DIAPH2: variants seen among roughly 807,000 people sequenced by gnomAD.
The protein encoded by DIAPH2 is protein diaphanous homolog 2.
DIAPH2 carries 35 observed loss-of-function variants against 92.7 expected under a neutral mutation model. The observed-to-expected ratio is 0.38, with a 90% CI of 0.29 to 0.50. The LOEUF (loss-of-function observed/expected upper bound fraction) is 0.50. DIAPH2 is among the 20% of genes least tolerant of loss of function. The pLI is 0.94. For synonymous variants in DIAPH2, 301 were observed against 280.4 expected (o/e 1.07, Z -0.73); for missense variants, 701 against 819.5 (o/e 0.86, Z 1.77).
intron 26 of DIAPH2, among the ~76,000 whole-genome samples, chrX:97,548,111 A>G (rs1301969999): frequency 8.9e-6 from 1 of 112,031 alleles, no homozygotes; most frequent in Non-Finnish European, 1.9e-5. Context: ...CTGACAACAG[A>G]AACTACTCCC....
rs1239250585 is a variant in DIAPH2, at chrX:97,185,380, T to C, written c.2719+43586T>C. Among the ~76,000 whole-genome samples, 30 of 41,402 alleles carry C rather than the reference T, an allele frequency of 7.2e-4. 4 individuals carry two copies. Among genetic ancestry groups the C allele is most frequent in the African/African-American group, 5.9e-3 (30 of 5,088 alleles). The allele number at this position is 41,402 out of a possible 115,157, so 36.0% of individuals were successfully genotyped here. ...GTGTATATATATATGTATATATATA[T>C]GTATATATATATGTGTATATATATA... On this transcript the variant is annotated intron_variant, in intron 22 of 26. Coordinates refer to ENST00000324765, the MANE Select transcript of DIAPH2 (RefSeq NM_006729.5).
At chrX:97,576,637 A>G (rs984137241) in intron 26 of DIAPH2, among the ~76,000 whole-genome samples, 2 of 111,520 alleles carry the variant, frequency 1.8e-5, no homozygotes, top group Non-Finnish European at 3.8e-5. Flanking sequence ...CAATTCATAA[A>G]CAAAGTAATC....
chrX:97,011,891 C>CAAAAAAAAAAAAAAAAAAAA (rs1169242843), intron 17 of DIAPH2, among the ~76,000 whole-genome samples: 1 of 32,201 alleles, frequency 3.1e-5, no homozygotes, highest in African/African-American at 1.6e-4. Context: ...GACACTGTCT[C>CAAAAAAAAAAAAAAAAAAAA]AAAAAAAAAA....
intron 22 of DIAPH2, among the ~76,000 whole-genome samples, chrX:97,187,285 T>TTTTTTTTG (rs2067614576): frequency 1.7e-5 from 1 of 57,826 alleles, no homozygotes; most frequent in Non-Finnish European, 2.8e-5. Context: ...AGTAGCCTTT[T>TTTTTTTTG]TTTTTTTTTT....
chrX:97,020,565 A>G (rs1468733871), intron 17 of DIAPH2, among the ~76,000 whole-genome samples: 3 of 112,252 alleles, frequency 2.7e-5, no homozygotes, highest in Non-Finnish European at 3.8e-5. Context: ...AAGTAGAACA[A>G]TAAAAACAGT....
chrX:97,517,084 G>A (rs1341911108), intron 26 of DIAPH2, among the ~76,000 whole-genome samples: 1 of 111,838 alleles, frequency 8.9e-6, no homozygotes, highest in Admixed American at 9.5e-5. Flanking sequence ...TAGTGATGGA[G>A]TCCATAGTGA....
At chrX:96,967,310 G>C (rs547193476) in intron 17 of DIAPH2, among the ~76,000 whole-genome samples, 1 of 111,663 alleles carries the variant, frequency 9.0e-6, no homozygotes, top group African/African-American at 3.3e-5. Context: ...TTCTGTTCCT[G>C]CATTAATTTG....
At chrX:97,097,307 C>T (rs1055952876) in intron 19 of DIAPH2, among the ~76,000 whole-genome samples, 8 of 111,961 alleles carry the variant, frequency 7.1e-5, no homozygotes, top group Non-Finnish European at 1.3e-4. Context: ...TTGTAGTAGT[C>T]TGCATCTGCC....
chrX:97,556,826 C>T (rs766106482), intron 26 of DIAPH2, among the ~76,000 whole-genome samples: 1 of 111,786 alleles, frequency 8.9e-6, no homozygotes, highest in South Asian at 3.8e-4. Flanking sequence ...AATACGCGGT[C>T]TCTGAACTCA....
intron 26 of DIAPH2, among the ~76,000 whole-genome samples, chrX:97,546,633 C>T (rs2071183245): frequency 9.0e-6 from 1 of 111,490 alleles, no homozygotes; most frequent in Admixed American, 9.5e-5. Flanking sequence ...GTCAGGGGTT[C>T]AAGACCAGCC....
At chrX:97,067,127 G>A in intron 17 of DIAPH2, among the ~76,000 whole-genome samples, 1 of 111,602 alleles carries the variant, frequency 9.0e-6, no homozygotes. Flanking sequence ...ATCTCTTCCT[G>A]CCTATTGCAT....
chrX:96,912,687 C>A, intron 7 of DIAPH2, 135 bp downstream of exon 7: 1 of 786,054 alleles, frequency 1.3e-6, no homozygotes, highest in Non-Finnish European at 1.7e-6. Flanking sequence ...CGAACATGTG[C>A]CATGGTGGTT....
chrX:96,847,510 G>A (rs2064979529), intron 4 of DIAPH2, among the ~76,000 whole-genome samples: 1 of 111,658 alleles, frequency 9.0e-6, no homozygotes, highest in Non-Finnish European at 1.9e-5. Flanking sequence ...TACCTTGCAG[G>A]TTGTTGTAAA....
In DIAPH2 at chrX:97,269,745, ATTTTTAT is replaced by A. The variant is rs1264232873; in HGVS notation, c.2844+21912_2844+21918del. On this transcript the variant is annotated intron_variant, in intron 23 of 26. Coordinates refer to ENST00000324765, the MANE Select transcript of DIAPH2 (RefSeq NM_006729.5). ...ATAAAGACACAATGAAGGAGATACT[ATTTTTAT>A]TTTTTTTTTTTTTTTTTGAGACAGA... Among the ~76,000 whole-genome samples the A allele has an allele frequency of 5.3e-3, 552 of 104,612 alleles. 5 individuals carry two copies. The highest frequency in any genetic ancestry group is 0.019 in the African/African-American group (521 of 26,884). 90.8% of individuals were successfully genotyped at this position (104,612 alleles called of 115,157 possible).
chrX:97,435,093 A>G (rs2070168515), intron 26 of DIAPH2, among the ~76,000 whole-genome samples: 1 of 111,434 alleles, frequency 9.0e-6, no homozygotes, highest in Non-Finnish European at 1.9e-5. Flanking sequence ...AACATTTTTG[A>G]CAATGACATA....
At chrX:96,836,928 C>T (rs1161737088) in intron 4 of DIAPH2, among the ~76,000 whole-genome samples, 1 of 101,713 alleles carries the variant, frequency 9.8e-6, no homozygotes, top group Non-Finnish European at 2.0e-5. Context: ...GGGGTTTCAC[C>T]GTGTTAGCCA....
intron 26 of DIAPH2, chrX:97,431,310 T>G (rs894268913): frequency 1.6e-4 from 18 of 112,648 alleles, no homozygotes; most frequent in Non-Finnish European, 1.9e-4. Context: ...CATTTCTCTG[T>G]TAAGCAGCTG....
intron 25 of DIAPH2, among the ~76,000 whole-genome samples, chrX:97,391,690 A>G (rs2069661166): frequency 9.0e-6 from 1 of 111,481 alleles, no homozygotes; most frequent in Non-Finnish European, 1.9e-5. Flanking sequence ...TTTTTAACAC[A>G]TCTATTGCTT....
Position 96,767,494 on chromosome X carries a change from A to G in DIAPH2, c.447+9236A>G, listed in dbSNP as rs187986901. On this transcript the variant is annotated intron_variant, in intron 4 of 26. Coordinates refer to ENST00000324765, the MANE Select transcript of DIAPH2 (RefSeq NM_006729.5). The stretch of plus-strand genomic sequence containing the variant: ...TTGAAGTATATTGTTTATGTTTAAT[A>G]TATTTAACATGTAAAGAATCTTGCA... Among the ~76,000 whole-genome samples, 5 of 112,067 alleles carry G rather than the reference A, an allele frequency of 4.5e-5. No homozygotes were observed. The East Asian group carries it at 1.1e-3, about 25-fold the overall frequency.
Sources: gnomAD v4.1 joint callset for allele counts (sites outside exome capture counted in the v4.1 genomes callset) on GRCh38, gnomAD v4.1.1 for gene constraint, MANE v1.5 for transcripts, NCBI Gene and HGNC (gene_info 2026-07-23, HGNC 2026-07-21) for gene names.